The following TENM2 variants were observed in gnomAD, a reference collection of about 807,000 sequenced individuals.
The protein encoded by TENM2 is teneurin-2.
A neutral mutation model predicts 245.2 loss-of-function variants in TENM2; 52 were observed. The observed-to-expected ratio is 0.21, with a 90% CI of 0.17 to 0.27. TENM2 has a LOEUF of 0.27. Among genes scored for constraint, TENM2 ranks in the 10% least tolerant of loss-of-function variants. The pLI is 1.00. For missense variants in TENM2, 3,046 were observed against 3,666.8 expected, an observed-to-expected ratio of 0.83 and a Z score of 4.37; for synonymous variants, 1,363 against 1,438.9, an observed-to-expected ratio of 0.95 and a Z score of 1.19.
chr5:167,318,475 T>G (rs552145005), intron 1 of TENM2, among the ~76,000 whole-genome samples: 1 of 151,986 alleles, frequency 6.6e-6, no homozygotes, highest in South Asian at 2.1e-4. Context: ...ACGGTGTGAA[T>G]AAAACGAGAT....
intron 1 of TENM2, among the ~76,000 whole-genome samples, chr5:167,304,804 C>T (rs1427893042): frequency 6.6e-6 from 1 of 152,118 alleles, no homozygotes; most frequent in Non-Finnish European, 1.5e-5. Context: ...TAAACACATG[C>T]TTAGCAAACC....
At chr5:167,074,716 C>A in the TENM2 span, among the ~76,000 whole-genome samples, 1 of 152,188 alleles carries the variant, frequency 6.6e-6, no homozygotes. Flanking sequence ...CTTGCTGGCT[C>A]CATACGTTTT....
At chr5:168,199,555 C>A (rs1173132596) in intron 16 of TENM2, among the ~76,000 whole-genome samples, 1 of 152,234 alleles carries the variant, frequency 6.6e-6, no homozygotes, top group Non-Finnish European at 1.5e-5. Flanking sequence ...TCCTTGCATG[C>A]AGCTAGCAAT....
chr5:167,508,537 G>A (rs1562012166), intron 2 of TENM2, among the ~76,000 whole-genome samples: 1 of 152,094 alleles, frequency 6.6e-6, no homozygotes, highest in Non-Finnish European at 1.5e-5. Flanking sequence ...CAGGACACAA[G>A]AGCATCTCAG....
intron 2 of TENM2, among the ~76,000 whole-genome samples, chr5:167,734,251 C>T (rs545189057): frequency 2.8e-4 from 43 of 152,132 alleles, no homozygotes; most frequent in African/African-American, 9.6e-4. Context: ...CCTGCTACTT[C>T]GTCCCTCATC....
the TENM2 span, among the ~76,000 whole-genome samples, chr5:167,085,365 C>A: frequency 6.6e-6 from 1 of 152,162 alleles, no homozygotes; most frequent in African/African-American, 2.4e-5. Context: ...TGTTAGGTAG[C>A]CTGAGAGAGT....
chr5:167,269,671 C>T, the TENM2 span, among the ~76,000 whole-genome samples: 1 of 152,060 alleles, frequency 6.6e-6, no homozygotes, highest in African/African-American at 2.4e-5. Flanking sequence ...ACATTGCATT[C>T]CACTCTGAAA....
intron 2 of TENM2, among the ~76,000 whole-genome samples, chr5:167,568,902 G>C (rs569871671): frequency 1.3e-5 from 2 of 151,836 alleles, no homozygotes; most frequent in Non-Finnish European, 2.9e-5. Context: ...GTGATTAAAC[G>C]CTGTGGGTAT....
exon 28 of TENM2, chr5:168,260,389 G>A: frequency 1.2e-6 from 2 of 1,613,936 alleles, no homozygotes; most frequent in South Asian, 1.1e-5. Context: ...AATTGTCAGA[G>A]AGTCAAGCAA....
rs538438126 is a variant in TENM2, at chr5:167,830,737, C to T, written c.503-45249C>T. Among the ~76,000 whole-genome samples the T allele has an allele frequency of 5.9e-4, 90 of 152,298 alleles. 1 individual carries two copies. The highest frequency in any genetic ancestry group is 1.1e-3 in the Non-Finnish European group (78 of 68,026). ...CTATGATCTCTAGAACAGGAGTTCTCAAACTTGAGAGCACGTCTGAGTGCC... is the reference window on the plus strand; with the variant it reads ...CTATGATCTCTAGAACAGGAGTTCTTAAACTTGAGAGCACGTCTGAGTGCC... On this transcript the variant is annotated intron_variant, in intron 2 of 28. Transcript: ENST00000518659.
At chr5:167,277,865 C>G in the TENM2 span, among the ~76,000 whole-genome samples, 1 of 152,126 alleles carries the variant, frequency 6.6e-6, no homozygotes. Context: ...ATGCTCCTTT[C>G]TGTCTCTAGT....
At chr5:167,411,477 C>T (rs1762902711) in intron 2 of TENM2, among the ~76,000 whole-genome samples, 1 of 151,550 alleles carries the variant, frequency 6.6e-6, no homozygotes, top group African/African-American at 2.4e-5. Context: ...GAAGAGAGAC[C>T]AAGAAGTTGG....
At chr5:167,617,169 T>G (rs1031124856) in intron 2 of TENM2, among the ~76,000 whole-genome samples, 1 of 152,152 alleles carries the variant, frequency 6.6e-6, no homozygotes, top group African/African-American at 2.4e-5. Context: ...CATCTTGAGA[T>G]GTAACTTTTT....
intron 2 of TENM2, among the ~76,000 whole-genome samples, chr5:167,744,215 C>T (rs966903282): frequency 5.3e-5 from 8 of 152,262 alleles, no homozygotes; most frequent in African/African-American, 1.7e-4. Flanking sequence ...TAAGCTCTTA[C>T]GGATTCAGGG....
chr5:168,159,170 T>C (rs1044495953), intron 12 of TENM2, among the ~76,000 whole-genome samples: 1 of 151,796 alleles, frequency 6.6e-6, no homozygotes, highest in African/African-American at 2.4e-5. Flanking sequence ...AAATAAAAAG[T>C]GTCTTCAGAC....
At chr5:167,254,097 A>C in the TENM2 span, among the ~76,000 whole-genome samples, 19 of 152,160 alleles carry the variant, frequency 1.2e-4, no homozygotes, top group African/African-American at 4.3e-4. Context: ...CATTTTCTAC[A>C]CTTCAGTAAG....
At chr5:167,567,864 T>A (rs1303430623) in intron 2 of TENM2, among the ~76,000 whole-genome samples, 1 of 152,034 alleles carries the variant, frequency 6.6e-6, no homozygotes, top group Admixed American at 6.6e-5. Context: ...AATTTCCGAA[T>A]GACAGAATTG....
At chr5:167,543,041 G>A (rs2127607412) in intron 2 of TENM2, among the ~76,000 whole-genome samples, 1 of 152,286 alleles carries the variant, frequency 6.6e-6, no homozygotes, top group Middle Eastern at 3.4e-3. Context: ...TGTTAGAAAT[G>A]CAAGTTCTCA....
At chr5:167,254,187 G>A in the TENM2 span, among the ~76,000 whole-genome samples, 1 of 152,120 alleles carries the variant, frequency 6.6e-6, no homozygotes, top group African/African-American at 2.4e-5. Context: ...AAGGATCACA[G>A]TTATAGTGTG....
Sources: gnomAD v4.1 joint callset for allele counts (sites outside exome capture counted in the v4.1 genomes callset) on GRCh38, gnomAD v4.1.1 for gene constraint, MANE v1.5 for transcripts, NCBI Gene and HGNC (gene_info 2026-07-23, HGNC 2026-07-21) for gene names.